The following CDH11 variants were observed in gnomAD, a reference collection of about 807,000 sequenced individuals.
The protein encoded by CDH11 is cadherin-11.
CDH11 carries 11 observed loss-of-function variants against 67.8 expected under a neutral mutation model. That is an observed-to-expected ratio of 0.16 (90% confidence interval 0.10 to 0.27). The LOEUF (loss-of-function observed/expected upper bound fraction) is 0.27. Ranked by LOEUF, CDH11 falls within the 10% of genes least tolerant of loss-of-function variation. CDH11 has a pLI of 1.00. For synonymous variants in CDH11, 419 were observed against 400.0 expected, an observed-to-expected ratio of 1.05 and a Z score of -0.57; for missense variants, 847 against 1,031.2, an observed-to-expected ratio of 0.82 and a Z score of 2.45.
rs371327463 is a variant in CDH11, at chr16:64,947,994, C to A, written c.2000G>T (p.Gly667Val). ...GGCTTCTGTGTCTTCTTCCCCACCC[C>A]CTTCATCATCATAAGTAATGATGTT... ...RENIITYDDE[G>V]GGEEDTEAFD... Residue 667 changes from glycine (G) to valine (V), a missense_variant, in exon 13 of 13, where the codon GGG becomes GTG. Gly to Val is a moderately radical substitution (Grantham distance 109, BLOSUM62 -3). Transcript: ENST00000268603. 1.2e-6 allele frequency: 2 copies of A among 1,614,030 alleles called. No individual in the cohort carries two copies. Among genetic ancestry groups the A allele is most frequent in the African/African-American group, 1.3e-5 (1 of 74,904 alleles).
chr16:65,093,467 G>A (rs2074829376), intron 1 of CDH11, among the ~76,000 whole-genome samples: 1 of 152,002 alleles, frequency 6.6e-6, no homozygotes, highest in South Asian at 2.1e-4. Context: ...GAATAGTGGG[G>A]TGGTTCTAGA....
chr16:64,965,797 C>T (rs2071807441), intron 11 of CDH11, among the ~76,000 whole-genome samples: 1 of 150,906 alleles, frequency 6.6e-6, no homozygotes, highest in Admixed American at 6.6e-5. Context: ...CACACACACA[C>T]ACACACACAC....
intron 2 of CDH11, among the ~76,000 whole-genome samples, chr16:65,049,471 C>T (rs1024265332): frequency 3.3e-5 from 5 of 152,012 alleles, no homozygotes; most frequent in South Asian, 2.1e-4. Context: ...ATGACCCCTG[C>T]GCATAGCAGC....
chr16:65,001,751 GACATGGATACTT>G (rs762106113), intron 3 of CDH11, among the ~76,000 whole-genome samples: 279 of 150,266 alleles, frequency 1.9e-3, no homozygotes, highest in Non-Finnish European at 3.1e-3. Flanking sequence ...TTATACAACT[GACATGGATACTT>G]ACTAGGCTCC....
At chr16:65,021,811 G>A (rs1001760192) in intron 2 of CDH11, among the ~76,000 whole-genome samples, 1 of 142,476 alleles carries the variant, frequency 7.0e-6, no homozygotes, top group Admixed American at 7.4e-5. Flanking sequence ...ATGGACCCAT[G>A]AGATGTCTCC....
At chr16:64,994,753 AAAG>A (rs1217669229) in intron 4 of CDH11, among the ~76,000 whole-genome samples, 4 of 152,196 alleles carry the variant, frequency 2.6e-5, no homozygotes, top group Admixed American at 6.5e-5. Flanking sequence ...CGAAATAGGA[AAAG>A]AAGAAGTCAA....
intron 7 of CDH11, chr16:64,986,834 T>C (rs1439217297): frequency 6.6e-6 from 1 of 152,104 alleles, no homozygotes; most frequent in Non-Finnish European, 1.5e-5. Context: ...TTGTGCTCTA[T>C]AATATTTTCC....
At chr16:64,992,173 A>G (rs547806433) in intron 5 of CDH11, among the ~76,000 whole-genome samples, 1 of 152,346 alleles carries the variant, frequency 6.6e-6, no homozygotes, top group East Asian at 1.9e-4. Flanking sequence ...ACATTCAAGT[A>G]ATAACCCTAT....
At chr16:65,114,199 T>C (rs972055697) in intron 1 of CDH11, among the ~76,000 whole-genome samples, 3 of 152,074 alleles carry the variant, frequency 2.0e-5, no homozygotes, top group African/African-American at 4.8e-5. Flanking sequence ...TGTAGGATTA[T>C]TGGGAAAACA....
At chr16:65,066,715 C>G (rs2074318438) in intron 1 of CDH11, among the ~76,000 whole-genome samples, 1 of 152,156 alleles carries the variant, frequency 6.6e-6, no homozygotes, top group Admixed American at 6.5e-5. Context: ...TGTGTTTGAA[C>G]ATTTTGTTGT....
intron 2 of CDH11, among the ~76,000 whole-genome samples, chr16:65,021,106 C>T (rs998153608): frequency 6.6e-6 from 1 of 152,078 alleles, no homozygotes; most frequent in Non-Finnish European, 1.5e-5. Flanking sequence ...GCATGCTTCT[C>T]TGATCCAAAA....
chr16:64,969,932 A>C (rs2071955286), intron 11 of CDH11, among the ~76,000 whole-genome samples: 1 of 152,192 alleles, frequency 6.6e-6, no homozygotes, highest in Non-Finnish European at 1.5e-5. Context: ...GCTTTGCAGA[A>C]TTATCTCTTT....
chr16:65,010,698 G>T (rs1037166903), intron 2 of CDH11, among the ~76,000 whole-genome samples: 2 of 152,114 alleles, frequency 1.3e-5, no homozygotes, highest in African/African-American at 4.8e-5. Flanking sequence ...AACTGCTTCA[G>T]TGGAGATCTG....
At chr16:65,052,501 A>G (rs187686124) in intron 2 of CDH11, among the ~76,000 whole-genome samples, 179 of 152,318 alleles carry the variant, frequency 1.2e-3, no homozygotes, top group Non-Finnish European at 1.2e-3. Flanking sequence ...GCTGTGCCTT[A>G]TGAGGAGGTC....
chr16:65,002,221 T>C (rs2142521442), intron 3 of CDH11, among the ~76,000 whole-genome samples: 1 of 152,176 alleles, frequency 6.6e-6, no homozygotes, highest in Non-Finnish European at 1.5e-5. Context: ...AGTTTTCCTT[T>C]CCCCTCTTTT....
chr16:64,974,016 C>T (rs2072088018), intron 8 of CDH11, among the ~76,000 whole-genome samples: 1 of 151,950 alleles, frequency 6.6e-6, no homozygotes, highest in Non-Finnish European at 1.5e-5. Flanking sequence ...TTAGTTACTC[C>T]CACCCACTAA....
intron 2 of CDH11, among the ~76,000 whole-genome samples, chr16:65,009,749 A>G (rs1160605723): frequency 1.3e-5 from 2 of 152,218 alleles, no homozygotes; most frequent in Non-Finnish European, 2.9e-5. Context: ...ATATAGGAGG[A>G]CTTTATTTTA....
intron 8 of CDH11, among the ~76,000 whole-genome samples, chr16:64,974,987 G>A (rs568235870): frequency 2.3e-4 from 35 of 152,226 alleles, no homozygotes; most frequent in Middle Eastern, 3.4e-3. Flanking sequence ...AATGGAATGC[G>A]TATTTTTTTT....
intron 1 of CDH11, among the ~76,000 whole-genome samples, chr16:65,097,573 C>T (rs1365499526): frequency 6.7e-6 from 1 of 149,954 alleles, no homozygotes; most frequent in Non-Finnish European, 1.5e-5. Context: ...TGTGACAAAA[C>T]AAATGTCTCT....
Sources: allele counts gnomAD v4.1 joint callset (sites outside exome capture counted in the v4.1 genomes callset), GRCh38; gene constraint gnomAD v4.1.1; transcripts MANE v1.5; gene names NCBI Gene and HGNC (gene_info 2026-07-23, HGNC 2026-07-21).